The following PPP1R37 variants were observed in gnomAD, a reference collection of about 807,000 sequenced individuals.
PPP1R37 encodes protein phosphatase 1 regulatory subunit 37.
Under a neutral mutation model 61.0 loss-of-function variants are expected in PPP1R37, and 21 were observed. The observed-to-expected ratio is 0.34, with a 90% CI of 0.24 to 0.50. The LOEUF (loss-of-function observed/expected upper bound fraction) is 0.50. Ranked by LOEUF, PPP1R37 falls within the 20% of genes least tolerant of loss-of-function variation. PPP1R37 has a pLI of 0.98. For synonymous variants in PPP1R37, 443 were observed against 433.5 expected, an observed-to-expected ratio of 1.02 and a Z score of -0.27; for missense variants, 910 against 952.7, an observed-to-expected ratio of 0.96 and a Z score of 0.59.
intron 1 of PPP1R37, among the ~76,000 whole-genome samples, chr19:45,120,011 C>CTTTTTT (rs1968319964): frequency 1.6e-5 from 2 of 128,686 alleles, no homozygotes; most frequent in African/African-American, 6.0e-5. Flanking sequence ...TTATTTTCCC[C>CTTTTTT]TTCTTTTTTT....
intron 1 of PPP1R37, among the ~76,000 whole-genome samples, chr19:45,118,614 C>T (rs1166047383): frequency 6.6e-6 from 1 of 152,174 alleles, no homozygotes; most frequent in African/African-American, 2.4e-5. Context: ...CAGTGGACTC[C>T]CTGCCGAACG....
rs925211211 is a variant in PPP1R37 at position 45,121,704 on chromosome 19, G to A, written c.203-16810G>A. Among the ~76,000 whole-genome samples the A allele has an allele frequency of 2.0e-5, 3 of 152,240 alleles. No homozygotes were observed. The highest frequency in any genetic ancestry group is 2.9e-5 in the Non-Finnish European group (2 of 68,044). On this transcript the variant is annotated intron_variant, in intron 1 of 12. Coordinates refer to ENST00000221462, the MANE Select transcript of PPP1R37 (RefSeq NM_019121.2). The surrounding 1 kb of genome is among the most constrained non-coding windows in gnomAD (Gnocchi z 4.2). ...TCTTGAGGGGCCTCTGGATGCCCGC[G>A]GTGGGGTGCTGGGGCCTCCACGGGC...
chr19:45,142,604 CCCTAGACAGTGACAA>C, intron 7 of PPP1R37, 146 bp downstream of exon 7: 1 of 834,172 alleles, frequency 1.2e-6, no homozygotes, highest in Non-Finnish European at 1.8e-6. Context: ...GACAGACCCG[CCCTAGACAGTGACAA>C]CCTAGAGTGG....
chr19:45,099,675 C>G (rs1812289320), intron 1 of PPP1R37, among the ~76,000 whole-genome samples: 1 of 152,242 alleles, frequency 6.6e-6, no homozygotes, highest in Non-Finnish European at 1.5e-5. Flanking sequence ...TCTATTTCCC[C>G]CTTCAAGGGC....
In PPP1R37 at chr19:45,145,201, C is replaced by T; in HGVS notation, c.1237C>T (p.Leu413Phe). 6.5e-7 allele frequency: 1 copy of T among 1,535,278 alleles called. No individual in the cohort carries two copies. Among genetic ancestry groups the T allele is most frequent in the South Asian group, 1.2e-5 (1 of 84,046 alleles). ...TGGLMALSLA[L>F]KVNHSLLRLD... is the part of the protein sequence containing the mutation. The stretch of plus-strand genomic sequence containing the variant: ...CGGGCTCATGGCACTGTCGTTGGCC[C>T]TCAAGGTGAACCACTCACTGCTGCG... The change falls in exon 10 of 13, where the codon CTC becomes TTC. Residue 413 changes from leucine to phenylalanine, a missense_variant. Leu to Phe is a conservative substitution (Grantham distance 22, BLOSUM62 0). Transcript: ENST00000221462.
At chr19:45,105,546 G>T (rs1968119250) in intron 1 of PPP1R37, among the ~76,000 whole-genome samples, 1 of 152,120 alleles carries the variant, frequency 6.6e-6, no homozygotes, top group Non-Finnish European at 1.5e-5. Context: ...TACCTTTGTG[G>T]CAGGTGACCT....
chr19:45,141,095 A>C (rs1968605361), intron 4 of PPP1R37, among the ~76,000 whole-genome samples: 1 of 152,196 alleles, frequency 6.6e-6, no homozygotes, highest in African/African-American at 2.4e-5. Flanking sequence ...CACGTCAGTC[A>C]AGGACTTTGG....
chr19:45,112,287 G>A (rs1968211352), intron 1 of PPP1R37, among the ~76,000 whole-genome samples: 1 of 152,234 alleles, frequency 6.6e-6, no homozygotes, highest in Non-Finnish European at 1.5e-5. Context: ...CACCTGGAGT[G>A]CTGGGATGAC....
In PPP1R37 at chr19:45,093,286, G is replaced by C. The variant is rs1967945135; in HGVS notation, c.-40G>C. ...CCGGAGAGACAAATCCGGGGCCCGG[G>C]GCATGTCCCCGGGGCCCCCGTGAGG... On this transcript the variant is annotated 5_prime_UTR_variant, in exon 1 of 13. Coordinates refer to ENST00000221462, the MANE Select transcript of PPP1R37 (RefSeq NM_019121.2). 1.5e-6 allele frequency: 2 copies of C among 1,357,114 alleles called. No homozygotes were observed. Among genetic ancestry groups the C allele is most frequent in the East Asian group, 3.0e-5 (1 of 33,346 alleles). The allele number at this position is 1,357,114 out of a possible 1,614,324, so 84.1% of individuals were successfully genotyped here.
chr19:45,114,990 C>G (rs565095531), intron 1 of PPP1R37, among the ~76,000 whole-genome samples: 21 of 152,248 alleles, frequency 1.4e-4, no homozygotes, highest in African/African-American at 5.1e-4. Flanking sequence ...CCCTTGTGTT[C>G]TGAGAGTGTT....
chr19:45,141,944 C>T (rs1028563890), intron 5 of PPP1R37, 117 bp from the exon 6 acceptor site: 5 of 1,137,508 alleles, frequency 4.4e-6, no homozygotes, highest in Middle Eastern at 3.0e-4. Flanking sequence ...CTTCGTTGCT[C>T]ATTGAGACAT....
At chr19:45,097,333 G>A (rs979822322) in intron 1 of PPP1R37, among the ~76,000 whole-genome samples, 1 of 152,014 alleles carries the variant, frequency 6.6e-6, no homozygotes, top group African/African-American at 2.4e-5. Flanking sequence ...CTGAAGGGGG[G>A]AGACTCAGTT....
intron 1 of PPP1R37, among the ~76,000 whole-genome samples, chr19:45,127,070 T>G (rs1401105240): frequency 6.6e-6 from 1 of 152,150 alleles, no homozygotes; most frequent in Non-Finnish European, 1.5e-5. Flanking sequence ...CTAGGCCTGG[T>G]CAGGCCTGGT....
Position 45,146,411 on chromosome 19 carries a change from A to G in PPP1R37, c.2015A>G (p.Glu672Gly). The change falls in exon 12 of 13, where the codon GAG becomes GGG. Residue 672 changes from glutamate (E) to glycine (G), a missense_variant. Around this residue, in one of 3 missense-constraint regions of PPP1R37, gnomAD observed 549 missense variants for 505.1 expected, o/e 1.09. Transcript: ENST00000221462. ...LEHELSCSKN[E>G]KELEELLLEA... ...ACAGAACTGAGCTGCTCCAAGAACG[A>G]GAAGGAGCTCGAGGAGCTGCTTCTG... is the stretch of plus-strand genomic sequence containing the variant. 1 of 1,535,872 alleles carries G rather than the reference A, an allele frequency of 6.5e-7. No individual in the cohort carries two copies. Among genetic ancestry groups the G allele is most frequent in the Non-Finnish European group, 8.7e-7 (1 of 1,146,782 alleles).
chr19:45,109,429 G>A (rs1206785898), intron 1 of PPP1R37, among the ~76,000 whole-genome samples: 1 of 152,146 alleles, frequency 6.6e-6, no homozygotes, highest in Non-Finnish European at 1.5e-5. Context: ...GAGAGAGGGT[G>A]CTTTAGTGGA....
At chr19:45,128,045 A>C (rs190733663) in intron 1 of PPP1R37, among the ~76,000 whole-genome samples, 1 of 152,198 alleles carries the variant, frequency 6.6e-6, no homozygotes, top group East Asian at 1.9e-4. Flanking sequence ...CCTTGTATGC[A>C]TTTATCGAAA....
Position 45,143,513 on chromosome 19 carries a change from TC to T in PPP1R37, c.875-6del. The T allele has an allele frequency of 6.6e-7, 1 of 1,517,068 alleles. No homozygotes were observed. Among genetic ancestry groups the T allele is most frequent in the South Asian group, 1.2e-5 (1 of 83,660 alleles). The allele number at this position is 1,517,068 out of a possible 1,614,324, so 94.0% of individuals were successfully genotyped here. A position where few individuals can be genotyped will look rare whatever the true frequency, so the allele number is the denominator to read the frequency against. On this transcript the variant is annotated splice_polypyrimidine_tract_variant and splice_region_variant and intron_variant, in intron 7 of 12. Coordinates refer to ENST00000221462, the MANE Select transcript of PPP1R37 (RefSeq NM_019121.2). ...CCAGACAGGGCTCTGACTGCCGGCC[TC>T]CTCCAGGTCTGGCCTACATCTGCGA...
At chr19:45,093,575 G>C (rs1483344642) in intron 1 of PPP1R37, 48 bp downstream of exon 1, 1 of 1,463,682 alleles carries the variant, frequency 6.8e-7, no homozygotes, top group Non-Finnish European at 9.2e-7. Flanking sequence ...GGACCCGGGA[G>C]TCGGGAGGGA....
intron 1 of PPP1R37, among the ~76,000 whole-genome samples, chr19:45,134,632 C>G (rs1968516817): frequency 6.6e-6 from 1 of 151,204 alleles, no homozygotes; most frequent in African/African-American, 2.4e-5. Context: ...GATCTCGGCT[C>G]ACTGCATCCT....
Sources: allele counts gnomAD v4.1 joint callset (sites outside exome capture counted in the v4.1 genomes callset), GRCh38; gene constraint gnomAD v4.1.1; regional missense constraint gnomAD v4.1.1; non-coding constraint Gnocchi (gnomAD v3.1); transcripts MANE v1.5; gene names NCBI Gene and HGNC (gene_info 2026-07-23, HGNC 2026-07-21).